The following JAK2 variants were observed in gnomAD, a reference collection of about 807,000 sequenced individuals.
JAK2 encodes tyrosine-protein kinase JAK2.
Under a neutral mutation model 139.3 loss-of-function variants are expected in JAK2, and 86 were observed. The ratio of observed to expected loss-of-function variants is 0.62; its 90% confidence interval spans 0.52 to 0.74. The LOEUF (loss-of-function observed/expected upper bound fraction) is 0.74. Ranked by LOEUF, JAK2 falls within the 30% of genes least tolerant of loss-of-function variation. The probability of loss-of-function intolerance (pLI) is 0.00; values close to 1 mark genes in which losing one functional copy is unlikely to be tolerated. For missense variants in JAK2, 1,421 were observed against 1,360.3 expected, an observed-to-expected ratio of 1.04 and a Z score of -0.70; for synonymous variants, 490 against 437.7, an observed-to-expected ratio of 1.12 and a Z score of -1.49.
At chr9:5,079,011 A>G (rs1819496673) in intron 16 of JAK2, among the ~76,000 whole-genome samples, 1 of 152,126 alleles carries the variant, frequency 6.6e-6, no homozygotes, top group Non-Finnish European at 1.5e-5. Context: ...ATCTTAGATA[A>G]TTTCTCTAAT....
At chr9:5,079,047 A>T (rs558502643) in intron 16 of JAK2, among the ~76,000 whole-genome samples, 1 of 152,306 alleles carries the variant, frequency 6.6e-6, no homozygotes, top group African/African-American at 2.4e-5. Flanking sequence ...TAGATTCTAA[A>T]TTGATCAATT....
intron 22 of JAK2, among the ~76,000 whole-genome samples, chr9:5,103,806 C>G (rs1821726685): frequency 6.6e-6 from 1 of 152,082 alleles, no homozygotes; most frequent in South Asian, 2.1e-4. Context: ...ACAACCTGCT[C>G]CTGAATGACT....
At chr9:5,124,793 G>C (rs1823868873) in intron 23 of JAK2, among the ~76,000 whole-genome samples, 2 of 151,314 alleles carry the variant, frequency 1.3e-5, no homozygotes. Context: ...AAATCAACAA[G>C]AACATACATT....
intron 22 of JAK2, chr9:5,098,091 C>A (rs544229339): frequency 1.3e-5 from 2 of 152,020 alleles, no homozygotes. Flanking sequence ...GCCTTTGTTT[C>A]GAAAAGAAAA....
intron 4 of JAK2, chr9:5,041,140 C>T: frequency 9.5e-7 from 1 of 1,047,284 alleles, no homozygotes; most frequent in South Asian, 1.3e-5. Context: ...TGATCGCCAT[C>T]CGGCTGATCA....
At chr9:5,068,725 G>A (rs540956840) in intron 10 of JAK2, among the ~76,000 whole-genome samples, 1 of 152,278 alleles carries the variant, frequency 6.6e-6, no homozygotes, top group South Asian at 2.1e-4. Context: ...ATTTGTTTTA[G>A]GCTTTATCTT....
At chr9:5,009,928 C>G (rs547309600) in intron 2 of JAK2, among the ~76,000 whole-genome samples, 98 of 152,256 alleles carry the variant, frequency 6.4e-4, no homozygotes, top group Non-Finnish European at 1.1e-3. Flanking sequence ...ACACTACATG[C>G]TGGCTAATTT....
chr9:4,999,201 C>G (rs1820787829), intron 2 of JAK2, among the ~76,000 whole-genome samples: 1 of 152,178 alleles, frequency 6.6e-6, no homozygotes, highest in Non-Finnish European at 1.5e-5. Context: ...TTACATTTGA[C>G]TTCGGTAGCC....
intron 22 of JAK2, chr9:5,097,612 A>C (rs1821105793): frequency 6.6e-6 from 1 of 150,772 alleles, no homozygotes; most frequent in Non-Finnish European, 1.5e-5. Flanking sequence ...GCCTACTGGC[A>C]TCAAGGTCTT....
intron 4 of JAK2, among the ~76,000 whole-genome samples, chr9:5,038,587 G>C (rs960544614): frequency 2.4e-5 from 3 of 126,028 alleles, no homozygotes; most frequent in Non-Finnish European, 4.8e-5. Flanking sequence ...GAAGTGTTTT[G>C]GATTTTAGAT....
chr9:5,035,569 C>T (rs1823522542), intron 4 of JAK2, among the ~76,000 whole-genome samples: 1 of 152,180 alleles, frequency 6.6e-6, no homozygotes, highest in South Asian at 2.1e-4. Context: ...GGATGCAAGG[C>T]TGGTTCAACA....
intron 3 of JAK2, 104 bp from the exon 4 acceptor site, chr9:5,029,679 C>G: frequency 2.9e-6 from 3 of 1,033,156 alleles, no homozygotes; most frequent in Non-Finnish European, 4.1e-6. Context: ...CATTTTGTTC[C>G]GATTTTAAGA....
At chr9:5,124,497 G>T (rs1440460098) in intron 23 of JAK2, among the ~76,000 whole-genome samples, 2 of 151,606 alleles carry the variant, frequency 1.3e-5, no homozygotes, top group Non-Finnish European at 3.0e-5. Flanking sequence ...GCAATCTGCA[G>T]ATTCAATGCA....
intron 3 of JAK2, among the ~76,000 whole-genome samples, chr9:5,026,043 T>G (rs1392369701): frequency 1.3e-5 from 2 of 152,178 alleles, no homozygotes; most frequent in African/African-American, 2.4e-5. Context: ...CAAAGATCTA[T>G]TTTGCAAAGA....
chr9:5,067,649 C>A (rs1818658406), intron 10 of JAK2, among the ~76,000 whole-genome samples: 1 of 151,084 alleles, frequency 6.6e-6, no homozygotes, highest in Admixed American at 6.6e-5. Context: ...AGTATGAATT[C>A]AAAAAAATAT....
Position 5,089,751 on chromosome 9 carries a change from G to T in JAK2, c.2649G>T (p.Lys883Asn). The change falls in exon 20 of 25, where the codon AAG becomes AAT. Residue 883 changes from lysine to asparagine, a missense_variant. Coordinates refer to ENST00000381652, the MANE Select transcript of JAK2 (RefSeq NM_004972.4). Reference protein sequence around the residue: ...DNTGEVVAVKKLQHSTEEHLR... With the variant: ...DNTGEVVAVKNLQHSTEEHLR... ...CTGGGGAGGTGGTCGCTGTAAAAAA[G>T]CTTCAGCATAGTACTGAAGAGCACC... The T allele has an allele frequency of 6.3e-7, 1 of 1,584,644 alleles. No homozygotes were observed.
intron 4 of JAK2, among the ~76,000 whole-genome samples, chr9:5,040,735 C>T (rs762732612): frequency 8.9e-4 from 135 of 152,396 alleles, no homozygotes; most frequent in East Asian, 1.3e-3. Flanking sequence ...GGCCCCTGAG[C>T]GGGCGTCCGG....
Position 5,009,440 on chromosome 9 carries a change from T to C in JAK2, c.-25-12523T>C, listed in dbSNP as rs1208162690. On this transcript the variant is annotated intron_variant, in intron 2 of 24. Transcript: ENST00000381652. ...CTGTCTTCATTACTAGTCAGGATTTTTTTTTTTAATTTTGTAAACTTTATT... is the reference window on the plus strand; with the variant it reads ...CTGTCTTCATTACTAGTCAGGATTTCTTTTTTTAATTTTGTAAACTTTATT... Among the ~76,000 whole-genome samples the C allele has an allele frequency of 7.2e-5, 11 of 152,252 alleles. No homozygotes were observed. In the East Asian group the frequency reaches 1.9e-3, roughly 27 times the overall value.
intron 18 of JAK2, 65 bp downstream of exon 18, chr9:5,080,748 T>G: frequency 4.1e-6 from 5 of 1,229,498 alleles, no homozygotes; most frequent in Admixed American, 2.7e-5. Flanking sequence ...AATGAATCAT[T>G]ACTAATTTTT....
Sources: gnomAD v4.1 joint callset for allele counts (sites outside exome capture counted in the v4.1 genomes callset) on GRCh38, gnomAD v4.1.1 for gene constraint, MANE v1.5 for transcripts, NCBI Gene and HGNC (gene_info 2026-07-23, HGNC 2026-07-21) for gene names.